The following RBFOX3 variants were observed in gnomAD, a reference collection of about 807,000 sequenced individuals.
RBFOX3 encodes the protein RNA binding protein fox-1 homolog 3.
A neutral mutation model predicts 48.7 loss-of-function variants in RBFOX3; 17 were observed. That is an observed-to-expected ratio of 0.35 (90% CI 0.24 to 0.52). The LOEUF is 0.52. Ranked by LOEUF, RBFOX3 falls within the 20% of genes least tolerant of loss-of-function variation. The probability of loss-of-function intolerance (pLI) is 0.94; values close to 1 mark genes in which losing one functional copy is unlikely to be tolerated. For synonymous variants in RBFOX3, 212 were observed against 209.5 expected, an observed-to-expected ratio of 1.01 and a Z score of -0.10; for missense variants, 382 against 497.5, an observed-to-expected ratio of 0.77 and a Z score of 2.21.
chr17:79,377,648 G>A (rs1227321143), intron 2 of RBFOX3, among the ~76,000 whole-genome samples: 1 of 152,218 alleles, frequency 6.6e-6, no homozygotes, highest in Non-Finnish European at 1.5e-5. Context: ...GTGTCCACGG[G>A]GGAGGGGCAT....
chr17:79,560,138 G>T (rs2092112461), intron 1 of RBFOX3, among the ~76,000 whole-genome samples: 1 of 152,048 alleles, frequency 6.6e-6, no homozygotes, highest in Admixed American at 6.6e-5. Flanking sequence ...CAGGTCCAAA[G>T]TAACAGCCTC....
At chr17:79,256,957 A>AC (rs1173066670) in intron 3 of RBFOX3, among the ~76,000 whole-genome samples, 4 of 133,832 alleles carry the variant, frequency 3.0e-5, no homozygotes, top group African/African-American at 7.7e-5. Context: ...ACAAAAAAAA[A>AC]ACAAAAAAAA....
intron 4 of RBFOX3, among the ~76,000 whole-genome samples, chr17:79,185,688 C>G (rs1182375609): frequency 6.6e-6 from 1 of 152,176 alleles, no homozygotes. Context: ...ATTAATTTGC[C>G]ATTATGACCA....
At chr17:79,172,401 T>G (rs553691905) in intron 4 of RBFOX3, among the ~76,000 whole-genome samples, 33 of 152,360 alleles carry the variant, frequency 2.2e-4, no homozygotes, top group African/African-American at 7.9e-4. Flanking sequence ...TGTTGCCTGG[T>G]GCAGGAGCTG....
At chr17:79,548,816 C>T (rs759742113) in intron 1 of RBFOX3, among the ~76,000 whole-genome samples, 31 of 152,204 alleles carry the variant, frequency 2.0e-4, no homozygotes, top group Non-Finnish European at 3.8e-4. Context: ...TCGAAAAATA[C>T]CTGCAGAATG....
At chr17:79,133,038 G>A (rs2039350538) in intron 4 of RBFOX3, among the ~76,000 whole-genome samples, 1 of 152,192 alleles carries the variant, frequency 6.6e-6, no homozygotes, top group African/African-American at 2.4e-5. Context: ...AGCTGCCAAG[G>A]CTGGGTGGGC....
At chr17:79,620,111 GCATATGCACACATACA>G in the RBFOX3 span, among the ~76,000 whole-genome samples, 14 of 123,454 alleles carry the variant, frequency 1.1e-4, 1 homozygote, top group East Asian at 1.8e-3. Flanking sequence ...GTGCATGCAC[GCATATGCACACATACA>G]CACATGCACA....
At chr17:79,233,956 C>G (rs926367252) in intron 4 of RBFOX3, 3 of 152,220 alleles carry the variant, frequency 2.0e-5, no homozygotes, top group African/African-American at 7.2e-5. Context: ...GGGCTCCTTC[C>G]GATGCTTCCC....
At chr17:79,636,559 C>T in the RBFOX3 span, among the ~76,000 whole-genome samples, 5 of 152,028 alleles carry the variant, frequency 3.3e-5, no homozygotes, top group African/African-American at 9.6e-5. Flanking sequence ...TAACTTCAAT[C>T]GCATACAAAA....
intron 2 of RBFOX3, among the ~76,000 whole-genome samples, chr17:79,371,052 A>G (rs977224477): frequency 3.9e-5 from 6 of 152,178 alleles, no homozygotes; most frequent in African/African-American, 1.2e-4. Flanking sequence ...TTGGGGAGGC[A>G]TGCACGGTGG....
intron 1 of RBFOX3, among the ~76,000 whole-genome samples, chr17:79,498,651 C>T (rs1303943246): frequency 6.6e-6 from 1 of 151,410 alleles, no homozygotes. Flanking sequence ...CCCATCCATC[C>T]ACTCATCCAT....
At chr17:79,582,288 G>A (rs1297703741) in intron 1 of RBFOX3, among the ~76,000 whole-genome samples, 3 of 150,920 alleles carry the variant, frequency 2.0e-5, no homozygotes, top group African/African-American at 7.4e-5. Context: ...GTGTGCATCT[G>A]TGTGCATGCA....
chr17:79,423,033 G>A lies in RBFOX3; in HGVS notation c.-175+59421C>T, dbSNP rs551927281. 8.5e-5 allele frequency among the ~76,000 whole-genome samples: 13 copies of A among 152,262 alleles called. No homozygotes were observed. The highest frequency in any genetic ancestry group is 4.1e-4 in the South Asian group (2 of 4,824). ...AGTCCTCACAGGCACGGGACAGGCC[G>A]GCCCCTGCGACGGGACTTCGGGTGC... On this transcript the variant is annotated intron_variant, in intron 2 of 14. Coordinates refer to ENST00000693108, the MANE Select transcript of RBFOX3 (RefSeq NM_001350451.2). This position sits in a 1 kb window ranked among gnomAD's most constrained non-coding sequence, Gnocchi z 4.9.
At chr17:79,380,183 A>T (rs2059724096) in intron 2 of RBFOX3, among the ~76,000 whole-genome samples, 1 of 146,894 alleles carries the variant, frequency 6.8e-6, no homozygotes. Flanking sequence ...AAATCTCCAC[A>T]ATCCCCCCCT....
At chr17:79,452,311 C>T (rs80031695) in intron 2 of RBFOX3, among the ~76,000 whole-genome samples, 2 of 152,240 alleles carry the variant, frequency 1.3e-5, no homozygotes, top group South Asian at 2.1e-4. Context: ...ACCCTGTCAC[C>T]ACCTCCGCTG....
intron 3 of RBFOX3, among the ~76,000 whole-genome samples, chr17:79,238,435 C>A (rs1201188399): frequency 1.3e-5 from 2 of 152,222 alleles, no homozygotes; most frequent in African/African-American, 4.8e-5. Context: ...GAAGGTGAAG[C>A]AGGACTAAGC....
At chr17:79,405,052 A>G (rs1051491589) in intron 2 of RBFOX3, among the ~76,000 whole-genome samples, 5 of 152,188 alleles carry the variant, frequency 3.3e-5, no homozygotes, top group Admixed American at 6.5e-5. Flanking sequence ...CCAAGCAATC[A>G]CCACAGTGAA....
intron 4 of RBFOX3, among the ~76,000 whole-genome samples, chr17:79,196,808 G>A (rs908028574): frequency 2.6e-5 from 4 of 152,314 alleles, no homozygotes; most frequent in Admixed American, 2.0e-4. Flanking sequence ...AATGCATTAT[G>A]CTTATTTTCA....
chr17:79,630,140 G>C, the RBFOX3 span, among the ~76,000 whole-genome samples: 1 of 152,222 alleles, frequency 6.6e-6, no homozygotes, highest in African/African-American at 2.4e-5. Context: ...CCAGCTCACA[G>C]GGGAAGGAAG....
Sources: allele counts gnomAD v4.1 joint callset (sites outside exome capture counted in the v4.1 genomes callset), GRCh38; gene constraint gnomAD v4.1.1; non-coding constraint Gnocchi (gnomAD v3.1); transcripts MANE v1.5; gene names NCBI Gene and HGNC (gene_info 2026-07-23, HGNC 2026-07-21).